COG2: variants seen among roughly 807,000 people sequenced by gnomAD.
COG2 encodes conserved oligomeric Golgi complex subunit 2.
In COG2, 52 loss-of-function variants were observed where a neutral mutation model predicts 90.6. The ratio of observed to expected loss-of-function variants is 0.57; its 90% CI spans 0.46 to 0.72. The LOEUF (loss-of-function observed/expected upper bound fraction) is 0.72. COG2 is among the 30% of genes least tolerant of loss of function. The probability of loss-of-function intolerance (pLI) is 0.00; values close to 1 mark genes in which losing one functional copy is unlikely to be tolerated. For missense variants in COG2, 829 were observed against 891.2 expected (o/e 0.93, Z 0.89); for synonymous variants, 337 against 320.4 (o/e 1.05, Z -0.55).
chr1:230,646,985 A>G (rs550405229), intron 1 of COG2, among the ~76,000 whole-genome samples: 2 of 151,910 alleles, frequency 1.3e-5, no homozygotes, highest in African/African-American at 4.8e-5. Context: ...GTGGCTTCTT[A>G]CTGTAGTCCC....
intron 14 of COG2, 40 bp downstream of exon 14, chr1:230,688,183 A>G (rs762674086): frequency 1.4e-6 from 2 of 1,402,434 alleles, no homozygotes; most frequent in African/African-American, 2.9e-5. Flanking sequence ...TTGAATAAGA[A>G]ATGATTTAAA....
Position 230,647,960 on chromosome 1 carries a change from G to C in COG2, c.72+5282G>C, listed in dbSNP as rs146128572. Among the ~76,000 whole-genome samples the C allele has an allele frequency of 2.4e-4, 36 of 152,306 alleles. 3 individuals carry two copies. The highest frequency in any genetic ancestry group is 8.7e-4 in the African/African-American group (36 of 41,558). ...CCAGTTTGCAGATAAAGAAACTGAG[G>C]TCCAGAGATGTTGTGACTTCCCCCA... On this transcript the variant is annotated intron_variant, in intron 1 of 17. Coordinates refer to ENST00000366669, the MANE Select transcript of COG2 (RefSeq NM_007357.3).
At chr1:230,664,278 A>T (rs989724824) in intron 4 of COG2, among the ~76,000 whole-genome samples, 4 of 152,190 alleles carry the variant, frequency 2.6e-5, no homozygotes, top group Non-Finnish European at 5.9e-5. Flanking sequence ...AAATTGTGAT[A>T]GAATATTGAA....
chr1:230,649,877 C>T (rs1165265337), intron 1 of COG2, among the ~76,000 whole-genome samples: 1 of 152,206 alleles, frequency 6.6e-6, no homozygotes, highest in Non-Finnish European at 1.5e-5. Flanking sequence ...CTTCCTCCAG[C>T]ACTTCCCCTT....
At position 230,679,014 on chromosome 1, in the gene COG2, C is replaced by G; in HGVS notation, c.1128C>G (p.Phe376Leu). 1 of 1,613,534 alleles carries G rather than the reference C, an allele frequency of 6.2e-7. No individual in the cohort carries two copies. The highest frequency in any genetic ancestry group is 8.5e-7 in the Non-Finnish European group (1 of 1,179,538). Residue 376 changes from phenylalanine (F) to leucine (L), a missense_variant, in exon 10 of 18, where the codon TTC (phenylalanine) becomes TTG (leucine). Phe to Leu is a conservative substitution (Grantham distance 22). Transcript: ENST00000366669. ...GAGCCCATCCTGCCTATCACAGCTT[C>G]AATAAGAAGTGGAACTTGCCTGTTT... ...RLRAHPAYHSFNKKWNLPVYF... is the reference protein window; with the variant it reads ...RLRAHPAYHSLNKKWNLPVYF...
intron 11 of COG2, chr1:230,684,271 T>C (rs890139219): frequency 2.6e-5 from 4 of 152,330 alleles, no homozygotes; most frequent in African/African-American, 9.7e-5. Context: ...TGGTTTTTTT[T>C]AGCAAATTGG....
At chr1:230,646,468 G>A (rs938330799) in intron 1 of COG2, among the ~76,000 whole-genome samples, 4 of 152,080 alleles carry the variant, frequency 2.6e-5, no homozygotes, top group African/African-American at 9.7e-5. Context: ...TAATTGGTGG[G>A]TTATGGACTC....
intron 14 of COG2, 40 bp from the exon 15 acceptor site, chr1:230,688,380 C>T (rs946337298): frequency 1.2e-6 from 2 of 1,610,216 alleles, no homozygotes; most frequent in Non-Finnish European, 1.7e-6. Flanking sequence ...CATGTCTGGG[C>T]CTGAGCATGA....
intron 3 of COG2, among the ~76,000 whole-genome samples, chr1:230,662,694 G>A (rs774754580): frequency 6.6e-6 from 1 of 152,094 alleles, no homozygotes; most frequent in South Asian, 2.1e-4. Flanking sequence ...CCAAATTGAT[G>A]CCTGCAGTAC....
intron 2 of COG2, 60 bp downstream of exon 2, chr1:230,659,685 A>G (rs1474172318): frequency 6.5e-7 from 1 of 1,535,334 alleles, no homozygotes; most frequent in Non-Finnish European, 8.9e-7. Flanking sequence ...ACTCATACTT[A>G]TTCTTAGAAG....
chr1:230,687,870 A>G (rs1662919073), intron 13 of COG2: 1 of 529,092 alleles, frequency 1.9e-6, no homozygotes, highest in Non-Finnish European at 3.3e-6. Flanking sequence ...CCATTAAACC[A>G]TGTGATTTCT....
chr1:230,661,819 T>C (rs1006662026), intron 3 of COG2, among the ~76,000 whole-genome samples: 7 of 152,192 alleles, frequency 4.6e-5, no homozygotes, highest in East Asian at 1.9e-4. Context: ...TATGTCTTGT[T>C]TGATTTTTTA....
intron 1 of COG2, 31 bp downstream of exon 1, chr1:230,642,709 G>C (rs1661653900): frequency 6.2e-7 from 1 of 1,600,724 alleles, no homozygotes; most frequent in African/African-American, 1.3e-5. Context: ...CCGGAGCCGG[G>C]CCATGAGGGT....
At chr1:230,678,565 A>G (rs566377053) in intron 9 of COG2, 62 of 1,189,950 alleles carry the variant, frequency 5.2e-5, no homozygotes, top group Admixed American at 4.9e-4. Flanking sequence ...TTGTGAGGCA[A>G]TGACGAACTA....
chr1:230,671,977 A>T (rs1662459593), intron 8 of COG2, among the ~76,000 whole-genome samples: 1 of 152,192 alleles, frequency 6.6e-6, no homozygotes, highest in East Asian at 1.9e-4. Context: ...CTGTCTATAA[A>T]TATTAATTCA....
chr1:230,687,919 C>A, intron 13 of COG2, 152 bp from the exon 14 acceptor site: 1 of 597,080 alleles, frequency 1.7e-6, no homozygotes, highest in South Asian at 2.3e-5. Context: ...AGCATTAAAA[C>A]TGTTTCTTTC....
intron 6 of COG2, 169 bp from the exon 7 acceptor site, chr1:230,669,187 T>A (rs1441714561): frequency 3.6e-6 from 2 of 561,620 alleles, no homozygotes; most frequent in African/African-American, 3.7e-5. Context: ...GATTTACTTA[T>A]AAAGTGATTG....
intron 1 of COG2, among the ~76,000 whole-genome samples, chr1:230,645,958 C>G (rs565828488): frequency 2.0e-5 from 3 of 152,270 alleles, no homozygotes; most frequent in East Asian, 1.9e-4. Context: ...TGCTGGGCCA[C>G]CCGGTTCCCC....
At chr1:230,683,235 G>A (rs1438561008) in intron 10 of COG2, 3 of 216,522 alleles carry the variant, frequency 1.4e-5, no homozygotes, top group Non-Finnish European at 2.8e-5. Context: ...TTATGGCCTT[G>A]AAGTGAATAG....
Sources: gnomAD v4.1 joint callset for allele counts (sites outside exome capture counted in the v4.1 genomes callset) on GRCh38, gnomAD v4.1.1 for gene constraint, MANE v1.5 for transcripts, NCBI Gene and HGNC (gene_info 2026-07-23, HGNC 2026-07-21) for gene names.